SCRG1: variants seen among roughly 807,000 people sequenced by gnomAD.
SCRG1 encodes the protein stimulator of chondrogenesis 1, also known as scrapie-responsive protein 1.
In SCRG1, 3 loss-of-function variants were observed where a neutral mutation model predicts 7.7. That is an observed-to-expected ratio of 0.39 (90% CI 0.18 to 1.01). The LOEUF is 1.01. Ranked by LOEUF, SCRG1 falls within the 50% of genes least tolerant of loss-of-function variation. The pLI, the probability that SCRG1 is intolerant of heterozygous loss-of-function variation, is 0.36. For missense variants in SCRG1, 110 were observed against 117.2 expected (o/e 0.94, Z 0.28); for synonymous variants, 46 against 41.2 (o/e 1.12, Z -0.44).
At chr4:173,505,377 G>A in the SCRG1 span, among the ~76,000 whole-genome samples, 17 of 152,114 alleles carry the variant, frequency 1.1e-4, no homozygotes, top group African/African-American at 3.4e-4. This position sits in a 1 kb window ranked among gnomAD's most constrained non-coding sequence, Gnocchi z 4.4. Context: ...TCCCTTGCTC[G>A]GCCATCAGTA....
At chr4:173,416,946 A>ATCATCACACACACCACACACACACCC in the SCRG1 span, among the ~76,000 whole-genome samples, 1 of 134,674 alleles carries the variant, frequency 7.4e-6, no homozygotes, top group Non-Finnish European at 1.6e-5. Flanking sequence ...ACACACACAC[A>ATCATCACACACACCACACACACACCC]CACACACAGT....
the SCRG1 span, among the ~76,000 whole-genome samples, chr4:173,476,363 A>AAAATATATATATATATATAT: frequency 5.1e-5 from 5 of 98,500 alleles, no homozygotes; most frequent in African/African-American, 1.5e-4. Flanking sequence ...GGAAAAAAAA[A>AAAATATATATATATATATAT]ATATATATAT....
chr4:173,442,651 A>G, the SCRG1 span, among the ~76,000 whole-genome samples: 1 of 152,236 alleles, frequency 6.6e-6, no homozygotes, highest in East Asian at 1.9e-4. Context: ...TGTAAAGAAC[A>G]GAAGTTTACT....
At chr4:173,397,366 C>T (rs1271353114) in intron 1 of SCRG1, among the ~76,000 whole-genome samples, 1 of 151,792 alleles carries the variant, frequency 6.6e-6, no homozygotes, top group Non-Finnish European at 1.5e-5. Flanking sequence ...TACTTAAAAT[C>T]CCTCCTGGAA....
At chr4:173,512,116 T>A in the SCRG1 span, among the ~76,000 whole-genome samples, 1 of 152,220 alleles carries the variant, frequency 6.6e-6, no homozygotes, top group African/African-American at 2.4e-5. Context: ...ATGTGGGCCT[T>A]TGGCTTCCAG....
the SCRG1 span, among the ~76,000 whole-genome samples, chr4:173,459,746 G>C: frequency 6.6e-6 from 1 of 152,150 alleles, no homozygotes; most frequent in Admixed American, 6.5e-5. Context: ...ATTACCAGAG[G>C]CTGGGAAGGG....
the SCRG1 span, among the ~76,000 whole-genome samples, chr4:173,415,048 A>G: frequency 6.6e-6 from 1 of 152,216 alleles, no homozygotes; most frequent in Non-Finnish European, 1.5e-5. Flanking sequence ...TGAAAACAGC[A>G]AATTTATATG....
chr4:173,453,296 A>C, the SCRG1 span, among the ~76,000 whole-genome samples: 1 of 152,254 alleles, frequency 6.6e-6, no homozygotes, highest in East Asian at 1.9e-4. Flanking sequence ...GAATAAACGC[A>C]GTCAGTATCC....
the SCRG1 span, among the ~76,000 whole-genome samples, chr4:173,428,979 A>G: frequency 6.6e-6 from 1 of 152,230 alleles, no homozygotes; most frequent in Admixed American, 6.5e-5. Flanking sequence ...GTAATATAGT[A>G]TACTTTTAAA....
At chr4:173,419,579 T>A in the SCRG1 span, 2 of 727,388 alleles carry the variant, frequency 2.7e-6, no homozygotes, top group South Asian at 1.4e-5. Flanking sequence ...AAATTCCTTG[T>A]TTTCAGAATC....
chr4:173,388,365 G>A lies in SCRG1; in HGVS notation c.273C>T (p.Phe91=), dbSNP rs767267137. The A allele has an allele frequency of 3.1e-6, 5 of 1,611,748 alleles. No individual in the cohort carries two copies. Among genetic ancestry groups the A allele is most frequent in the Non-Finnish European group, 3.4e-6 (4 of 1,178,812 alleles). ...KDVFFGPKIS[F]VIPCNNQ is the part of the protein sequence containing the mutation. ...CTCATTGATTGTTGCAAGGAATCAC[G>A]AAAGAGATCTTTGGTCCAAAGAAAA... The change falls in exon 3 of 3, where the codon TTC becomes TTT. Residue 91 remains phenylalanine, a synonymous_variant. Coordinates refer to ENST00000296506, the MANE Select transcript of SCRG1 (RefSeq NM_007281.4).
the SCRG1 span, among the ~76,000 whole-genome samples, chr4:173,464,129 A>G: frequency 1.1e-5 from 1 of 92,036 alleles, no homozygotes. Flanking sequence ...GCATCTCACT[A>G]CTTGACAGCA....
exon 3 of SCRG1, chr4:173,404,165 G>A (rs1375600177): frequency 6.6e-6 from 1 of 152,084 alleles, no homozygotes; most frequent in South Asian, 2.1e-4. Context: ...AGCACAAACT[G>A]GAAACCAAGA....
At chr4:173,411,980 T>G in the SCRG1 span, among the ~76,000 whole-genome samples, 2 of 152,194 alleles carry the variant, frequency 1.3e-5, no homozygotes, top group Non-Finnish European at 2.9e-5. Context: ...CCCAGAGTAC[T>G]TTTGCTTCTG....
the SCRG1 span, among the ~76,000 whole-genome samples, chr4:173,458,886 A>T: frequency 6.6e-6 from 1 of 152,212 alleles, no homozygotes; most frequent in Non-Finnish European, 1.5e-5. Flanking sequence ...ACTTATAAAG[A>T]CATACATAGA....
At chr4:173,508,759 G>A in the SCRG1 span, among the ~76,000 whole-genome samples, 1 of 152,156 alleles carries the variant, frequency 6.6e-6, no homozygotes, top group Admixed American at 6.5e-5. The surrounding 1 kb of genome is among the most constrained non-coding windows in gnomAD (Gnocchi z 4.4). Context: ...AGACTTGAAG[G>A]CACTCTGCGG....
the SCRG1 span, among the ~76,000 whole-genome samples, chr4:173,417,617 T>TCCTTCCTTCCTC: frequency 3.4e-5 from 5 of 148,706 alleles, no homozygotes; most frequent in African/African-American, 1.2e-4. Flanking sequence ...CTTCCTTCCT[T>TCCTTCCTTCCTC]CCTCCCTTCC....
chr4:173,485,959 G>T, the SCRG1 span, among the ~76,000 whole-genome samples: 1 of 152,074 alleles, frequency 6.6e-6, no homozygotes, highest in Non-Finnish European at 1.5e-5. Context: ...AACAGAATGA[G>T]ACTCTGTCTC....
the SCRG1 span, among the ~76,000 whole-genome samples, chr4:173,461,049 C>T: frequency 3.9e-5 from 6 of 152,188 alleles, no homozygotes; most frequent in Non-Finnish European, 8.8e-5. Flanking sequence ...AGCTCAGCCA[C>T]AATACAATAA....
Sources: allele counts gnomAD v4.1 joint callset (sites outside exome capture counted in the v4.1 genomes callset), GRCh38; gene constraint gnomAD v4.1.1; non-coding constraint Gnocchi (gnomAD v3.1); transcripts MANE v1.5; gene names NCBI Gene and HGNC (gene_info 2026-07-23, HGNC 2026-07-21).